Variants in ADAMTS6 observed in about 807,000 individuals in gnomAD.
The protein encoded by ADAMTS6 is A disintegrin and metalloproteinase with thrombospondin motifs 6.
A neutral mutation model predicts 144.3 loss-of-function variants in ADAMTS6; 23 were observed. The ratio of observed to expected loss-of-function variants is 0.16; its 90% confidence interval spans 0.11 to 0.23. The LOEUF (loss-of-function observed/expected upper bound fraction) is 0.23. ADAMTS6 is among the 10% of genes least tolerant of loss of function. ADAMTS6 has a pLI of 1.00. For synonymous variants in ADAMTS6, 444 were observed against 457.5 expected (o/e 0.97, Z 0.38); for missense variants, 999 against 1,379.6 (o/e 0.72, Z 4.37).
At chr5:65,354,769 T>C (rs1749171341) in intron 7 of ADAMTS6, among the ~76,000 whole-genome samples, 1 of 151,316 alleles carries the variant, frequency 6.6e-6, no homozygotes, top group Non-Finnish European at 1.5e-5. Flanking sequence ...TTAATTGAAT[T>C]AAAAAAAATA....
At chr5:65,475,825 C>T (rs1341185037) in intron 1 of ADAMTS6, among the ~76,000 whole-genome samples, 5 of 152,070 alleles carry the variant, frequency 3.3e-5, no homozygotes, top group Non-Finnish European at 7.4e-5. Context: ...TAAGATCAGA[C>T]CAAAAATAAA....
chr5:65,377,050 T>C (rs1457112174), intron 7 of ADAMTS6, among the ~76,000 whole-genome samples: 1 of 151,936 alleles, frequency 6.6e-6, no homozygotes, highest in African/African-American at 2.4e-5. Context: ...GAAAAACAGA[T>C]TAAGAAAAGA....
intron 3 of ADAMTS6, among the ~76,000 whole-genome samples, chr5:65,463,183 T>C (rs1759753940): frequency 6.6e-6 from 1 of 151,366 alleles, no homozygotes; most frequent in Admixed American, 6.6e-5. Context: ...AGAGAATAAT[T>C]AGAAGTGAGA....
chr5:65,325,635 C>T lies in ADAMTS6; in HGVS notation c.1223+3743G>A, dbSNP rs150024048. Among the ~76,000 whole-genome samples the T allele has an allele frequency of 8.2e-3, 1,253 of 152,036 alleles. 11 individuals are homozygous for T. Among genetic ancestry groups the T allele is most frequent in the Non-Finnish European group, 0.013 (889 of 67,980 alleles). On this transcript the variant is annotated intron_variant, in intron 9 of 24. Transcript: ENST00000381055. The stretch of plus-strand genomic sequence containing the variant: ...TCAGCCTCTCAAGTAGCTGGGACTA[C>T]GGTGCATGCCACCACACCTTGCTAA...
rs75566181 is a variant in ADAMTS6 at position 65,207,760 on chromosome 5, G to A, written c.2575+7034C>T. Among the ~76,000 whole-genome samples the A allele has an allele frequency of 5.3e-5, 8 of 152,346 alleles. No individual in the cohort carries two copies. The East Asian group carries it at 1.4e-3, about 26-fold the overall frequency. On this transcript the variant is annotated intron_variant, in intron 20 of 24. Transcript: ENST00000381055. ...TTGTATCAGTGTTCATAATAACTGA[G>A]TTCAAACAGGGGCCATATGCCTCTT...
rs1752142028 is a variant in ADAMTS6, at chr5:65,151,624, T to C, written c.*212A>G. On this transcript the variant is annotated 3_prime_UTR_variant, in exon 25 of 25. Transcript: ENST00000381055. Reference sequence around the variant, plus strand: ...ATCTCTCCAATCTGGCATTCCCTCCTAATACCGTGTCCAGCACTTTGGATC... The same window carrying C: ...ATCTCTCCAATCTGGCATTCCCTCCCAATACCGTGTCCAGCACTTTGGATC... 5.9e-6 allele frequency: 3 copies of C among 506,226 alleles called. No homozygotes were observed. In the South Asian group the frequency reaches 1.1e-4, roughly 18 times the overall value. 31.4% of individuals were successfully genotyped at this position (506,226 alleles called of 1,614,324 possible).
chr5:65,319,697 AGGGAGGGAGGGAGGGAG>A (rs1245303961), intron 9 of ADAMTS6, among the ~76,000 whole-genome samples: 2 of 41,114 alleles, frequency 4.9e-5, no homozygotes, highest in African/African-American at 3.0e-4. Flanking sequence ...GAAGGAAGGA[AGGGAGGGAGGGAGGGAG>A]GGAAGGGAGG....
intron 7 of ADAMTS6, among the ~76,000 whole-genome samples, chr5:65,364,554 G>T (rs1428777379): frequency 3.9e-4 from 58 of 146,980 alleles, no homozygotes; most frequent in Middle Eastern, 7.0e-3. Context: ...AATCCTGAAT[G>T]AATTTCTTTC....
In ADAMTS6 at chr5:65,170,600, C is replaced by T. The variant is rs992254476; in HGVS notation, c.3244+17G>A. ...GGTCATTAGAAACCACAGGCCCCTCCTCCATGGAAAACTCACCTTCAGTAT... is the reference window on the plus strand; with the variant it reads ...GGTCATTAGAAACCACAGGCCCCTCTTCCATGGAAAACTCACCTTCAGTAT... On this transcript the variant is annotated intron_variant, in intron 24 of 24. Coordinates refer to ENST00000381055, the MANE Select transcript of ADAMTS6 (RefSeq NM_197941.4). The T allele has an allele frequency of 1.2e-6, 2 of 1,613,008 alleles. No homozygotes were observed. The highest frequency in any genetic ancestry group is 1.7e-6 in the Non-Finnish European group (2 of 1,179,590).
intron 7 of ADAMTS6, among the ~76,000 whole-genome samples, chr5:65,353,015 T>C (rs1749005185): frequency 6.6e-6 from 1 of 152,010 alleles, no homozygotes; most frequent in Non-Finnish European, 1.5e-5. Context: ...ATAACTTCTT[T>C]CTACCTGAGG....
At chr5:65,381,168 CTT>C (rs971901147) in intron 7 of ADAMTS6, among the ~76,000 whole-genome samples, 5 of 152,174 alleles carry the variant, frequency 3.3e-5, no homozygotes, top group Admixed American at 6.5e-5. Context: ...GATTCTCTCT[CTT>C]TGTCTCTCTC....
At chr5:65,290,358 C>G (rs756228160) in intron 11 of ADAMTS6, among the ~76,000 whole-genome samples, 3 of 152,122 alleles carry the variant, frequency 2.0e-5, no homozygotes, top group Non-Finnish European at 2.9e-5. Flanking sequence ...CGAGACCAGC[C>G]TGGCCAACAT....
chr5:65,245,697 T>C (rs1759569297), intron 14 of ADAMTS6, among the ~76,000 whole-genome samples: 1 of 152,152 alleles, frequency 6.6e-6, no homozygotes, highest in Non-Finnish European at 1.5e-5. Context: ...AGGGCAGAAG[T>C]TGTCAAACTT....
At chr5:65,386,346 T>G (rs1752474905) in intron 7 of ADAMTS6, among the ~76,000 whole-genome samples, 1 of 152,228 alleles carries the variant, frequency 6.6e-6, no homozygotes, top group Non-Finnish European at 1.5e-5. Context: ...CACCTGATTT[T>G]TATCTATAAT....
At chr5:65,212,185 C>T (rs910163200) in intron 20 of ADAMTS6, among the ~76,000 whole-genome samples, 3 of 152,162 alleles carry the variant, frequency 2.0e-5, no homozygotes, top group African/African-American at 4.8e-5. Context: ...ATGCTGCTGG[C>T]GGGACCAGAC....
chr5:65,224,641 G>T (rs1757587863), intron 17 of ADAMTS6, among the ~76,000 whole-genome samples: 1 of 152,106 alleles, frequency 6.6e-6, no homozygotes, highest in African/African-American at 2.4e-5. Context: ...CACGAATAAT[G>T]GTTCCTTTTC....
intron 21 of ADAMTS6, among the ~76,000 whole-genome samples, chr5:65,196,766 T>C (rs986572429): frequency 9.9e-5 from 15 of 152,100 alleles, no homozygotes; most frequent in Non-Finnish European, 2.1e-4. Context: ...TGATGAAATA[T>C]GATCATTTCC....
At chr5:65,187,643 G>A (rs1012110473) in intron 22 of ADAMTS6, among the ~76,000 whole-genome samples, 1 of 151,992 alleles carries the variant, frequency 6.6e-6, no homozygotes, top group African/African-American at 2.4e-5. Flanking sequence ...AATAACTTTT[G>A]GGGTAAGAAA....
chr5:65,413,834 T>C (rs1038768761), intron 7 of ADAMTS6, among the ~76,000 whole-genome samples: 8 of 152,250 alleles, frequency 5.3e-5, no homozygotes, highest in East Asian at 1.9e-4. Context: ...CAATTATAAT[T>C]TCCTTTTGCC....
Sources: gnomAD v4.1 joint callset for allele counts (sites outside exome capture counted in the v4.1 genomes callset) on GRCh38, gnomAD v4.1.1 for gene constraint, MANE v1.5 for transcripts, NCBI Gene and HGNC (gene_info 2026-07-23, HGNC 2026-07-21) for gene names.